Variants in ITGB5 observed in about 807,000 individuals in gnomAD.
ITGB5 encodes the protein integrin subunit beta 5, also known as integrin beta-5.
Under a neutral mutation model 84.8 loss-of-function variants are expected in ITGB5, and 38 were observed. That is an observed-to-expected ratio of 0.45 (90% confidence interval 0.35 to 0.59). ITGB5 has a LOEUF of 0.59. ITGB5 is among the 20% of genes least tolerant of loss of function. The probability of loss-of-function intolerance (pLI) is 0.01; values close to 1 mark genes in which losing one functional copy is unlikely to be tolerated. For missense variants in ITGB5, 905 were observed against 1,034.5 expected, an observed-to-expected ratio of 0.87 and a Z score of 1.72; for synonymous variants, 393 against 414.4, an observed-to-expected ratio of 0.95 and a Z score of 0.63.
At chr3:124,868,619 A>G (rs1054524811) in intron 2 of ITGB5, among the ~76,000 whole-genome samples, 2 of 9,956 alleles carry the variant, frequency 2.0e-4, no homozygotes, top group Non-Finnish European at 3.6e-4. Flanking sequence ...GTTCTCTACC[A>G]AAAAAAAAAA....
Position 124,810,908 on chromosome 3 carries a change from T to TTTTCTTTCTTTCTTTCTTTC in ITGB5, c.1129-1772_1129-1753dup, listed in dbSNP as rs10644920. 4.6e-4 allele frequency among the ~76,000 whole-genome samples: 69 copies of TTTTCTTTCTTTCTTTCTTTC among 150,060 alleles called. 1 individual carries two copies. The highest frequency in any genetic ancestry group is 1.3e-3 in the African/African-American group (51 of 40,130). On this transcript the variant is annotated intron_variant, in intron 8 of 14. Coordinates refer to ENST00000296181, the MANE Select transcript of ITGB5 (RefSeq NM_002213.5). ...CAGACTTGCCTCTTGCTCTTGTGGG[T>TTTTCTTTCTTTCTTTCTTTC]TTTCTTTCTTTCTTTCTTTCTTTCT... is the stretch of plus-strand genomic sequence containing the variant.
In ITGB5 at chr3:124,873,537, A is replaced by C. The variant is rs201674723; in HGVS notation, c.71-6T>G. ...ACTAGTGCATATGTTGAGACCTTTA[A>C]AGCAAGATAAAGATGCACTAATTAG... is the stretch of plus-strand genomic sequence containing the variant. On this transcript the variant is annotated splice_region_variant and splice_polypyrimidine_tract_variant and intron_variant, in intron 1 of 14. Coordinates refer to ENST00000296181, the MANE Select transcript of ITGB5 (RefSeq NM_002213.5). 3 of 1,603,188 alleles carry C rather than the reference A, an allele frequency of 1.9e-6. No homozygotes were observed. The African/African-American group carries it at 4.0e-5, about 21-fold the overall frequency.
At chr3:124,821,753 C>G (rs2064707240) in intron 5 of ITGB5, among the ~76,000 whole-genome samples, 1 of 152,240 alleles carries the variant, frequency 6.6e-6, no homozygotes, top group South Asian at 2.1e-4. Flanking sequence ...TCCAGCTCAT[C>G]ATACTCTTCT....
intron 2 of ITGB5, among the ~76,000 whole-genome samples, chr3:124,866,782 G>C (rs2065397880): frequency 6.6e-6 from 1 of 152,188 alleles, no homozygotes; most frequent in African/African-American, 2.4e-5. Flanking sequence ...GGGGAAGGTA[G>C]CTGATGACAA....
chr3:124,808,012 G>A (rs1463530207), intron 9 of ITGB5, among the ~76,000 whole-genome samples: 1 of 147,614 alleles, frequency 6.8e-6, no homozygotes, highest in African/African-American at 2.5e-5. Flanking sequence ...AAGTGGGTGA[G>A]GGACAAGTGT....
At chr3:124,771,575 C>T (rs2063844501) in intron 11 of ITGB5, among the ~76,000 whole-genome samples, 1 of 151,554 alleles carries the variant, frequency 6.6e-6, no homozygotes. Context: ...ATAGCAAGAC[C>T]CTGTCTCTAC....
intron 7 of ITGB5, among the ~76,000 whole-genome samples, chr3:124,818,502 C>CTTTTTT (rs143582866): frequency 2.9e-5 from 2 of 68,214 alleles, no homozygotes; most frequent in African/African-American, 5.3e-5. Context: ...AGTGCATAGG[C>CTTTTTT]TTTTTTTTTT....
intron 6 of ITGB5, 73 bp from the exon 7 acceptor site, chr3:124,819,907 C>T: frequency 1.9e-6 from 2 of 1,080,160 alleles, no homozygotes; most frequent in Non-Finnish European, 1.4e-6. Flanking sequence ...CTCCAATGCA[C>T]AGTCAGCAGC....
At chr3:124,855,628 T>A (rs369958456) in intron 3 of ITGB5, among the ~76,000 whole-genome samples, 12 of 152,338 alleles carry the variant, frequency 7.9e-5, no homozygotes, top group Admixed American at 4.6e-4. Flanking sequence ...AGTCTTCATC[T>A]CTTCAGACTG....
At chr3:124,839,133 T>C (rs951005481) in intron 5 of ITGB5, among the ~76,000 whole-genome samples, 9 of 152,216 alleles carry the variant, frequency 5.9e-5, no homozygotes, top group African/African-American at 1.9e-4. Flanking sequence ...GGAGGCACAT[T>C]GGCTGCATAA....
chr3:124,890,969 C>T (rs566928914), upstream of ITGB5, among the ~76,000 whole-genome samples: 17 of 151,994 alleles, frequency 1.1e-4, no homozygotes, highest in South Asian at 2.1e-4. Flanking sequence ...TTGCTCACCT[C>T]GAGGCAAAAC....
rs749228091 is a variant in ITGB5, at chr3:124,821,368, T to C, written c.887A>G (p.His296Arg). ...CTCGTTCAGGTGGCACTGGCCATCG[T>C]GTGGCTGCACCAGGCCTCCCAATTT... ...DGKLGGLVQP[H>R]DGQCHLNEAN... The change falls in exon 6 of 15, where the codon CAC becomes CGC. Residue 296 changes from histidine (H) to arginine (R), a missense_variant. His to Arg is a conservative substitution (Grantham distance 29). Transcript: ENST00000296181. 6.2e-7 allele frequency: 1 copy of C among 1,614,226 alleles called. No homozygotes were observed. The highest frequency in any genetic ancestry group is 8.5e-7 in the Non-Finnish European group (1 of 1,180,032).
intron 11 of ITGB5, 88 bp downstream of exon 11, chr3:124,773,602 G>T: frequency 8.2e-7 from 1 of 1,220,284 alleles, no homozygotes; most frequent in South Asian, 1.4e-5. Flanking sequence ...GTGAGGAGTG[G>T]AGGCTAGCCG....
chr3:124,892,606 G>T (rs1306896482), upstream of ITGB5, among the ~76,000 whole-genome samples: 1 of 148,322 alleles, frequency 6.7e-6, no homozygotes, highest in Non-Finnish European at 1.5e-5. Context: ...GAGGTGGGAG[G>T]ATCGCTTGAG....
At position 124,859,454 on chromosome 3, in the gene ITGB5, G is replaced by C. The variant is rs1456372574; in HGVS notation, c.157-8C>G. The C allele has an allele frequency of 6.2e-7, 1 of 1,609,510 alleles. No homozygotes were observed. The highest frequency in any genetic ancestry group is 1.1e-5 in the South Asian group (1 of 90,724). ...CCGTGGGCTTCCGAAGTCCTAGGCA[G>C]GGAAAAAGAGGAAGAGAGCAGGAGG... On this transcript the variant is annotated splice_region_variant and splice_polypyrimidine_tract_variant and intron_variant, in intron 2 of 14. Transcript: ENST00000296181.
intron 1 of ITGB5, among the ~76,000 whole-genome samples, chr3:124,876,880 G>A (rs979868955): frequency 7.9e-5 from 12 of 152,206 alleles, no homozygotes; most frequent in African/African-American, 9.6e-5. Context: ...AGCTGGACCT[G>A]CCTGTGTATG....
upstream of ITGB5, among the ~76,000 whole-genome samples, chr3:124,888,484 T>C (rs1453243825): frequency 1.3e-5 from 2 of 152,046 alleles, no homozygotes; most frequent in Non-Finnish European, 2.9e-5. Flanking sequence ...AGTGGAGTGG[T>C]TGATAGGCAA....
At position 124,796,560 on chromosome 3, in the gene ITGB5, G is replaced by T. The variant is rs768603511; in HGVS notation, c.1521C>A (p.Ser507Arg). 2 of 1,614,084 alleles carry T rather than the reference G, an allele frequency of 1.2e-6. No homozygotes were observed. The highest frequency in any genetic ancestry group is 3.3e-5 in the Admixed American group (2 of 60,026). ...CCTCCCGGCACAGGTTCTGGTACAC[G>T]CTCTGGTTCTCCCCATCCTGGCACT... is the stretch of plus-strand genomic sequence containing the variant. ...RCECQDGENQ[S>R]VYQNLCREAE... Residue 507 changes from serine (S) to arginine (R), a missense_variant, in exon 10 of 15, where the codon AGC (serine) becomes AGA (arginine). Ser to Arg is a moderately radical substitution (Grantham distance 110). Coordinates refer to ENST00000296181, the MANE Select transcript of ITGB5 (RefSeq NM_002213.5).
At chr3:124,774,626 G>T (rs2063896148) in intron 10 of ITGB5, among the ~76,000 whole-genome samples, 1 of 152,208 alleles carries the variant, frequency 6.6e-6, no homozygotes, top group African/African-American at 2.4e-5. Context: ...AGAGCTGTAA[G>T]AAAATAAATC....
Sources: allele counts gnomAD v4.1 joint callset (sites outside exome capture counted in the v4.1 genomes callset), GRCh38; gene constraint gnomAD v4.1.1; transcripts MANE v1.5; gene names NCBI Gene and HGNC (gene_info 2026-07-23, HGNC 2026-07-21).